RGPD4: variants seen among roughly 807,000 people sequenced by gnomAD.
RGPD4 encodes ranBP2-like and GRIP domain-containing protein 4.
A neutral mutation model predicts 141.1 loss-of-function variants in RGPD4; 84 were observed. The ratio of observed to expected loss-of-function variants is 0.60; its 90% CI spans 0.50 to 0.71. RGPD4 has a LOEUF of 0.71. Ranked by LOEUF, RGPD4 falls within the 30% of genes least tolerant of loss-of-function variation. The probability of loss-of-function intolerance (pLI) is 0.00; values close to 1 mark genes in which losing one functional copy is unlikely to be tolerated. For synonymous variants in RGPD4, 298 were observed against 566.8 expected, an observed-to-expected ratio of 0.53 and a Z score of 6.74; for missense variants, 918 against 1,622.4, an observed-to-expected ratio of 0.57 and a Z score of 7.46.
At chr2:107,883,605 G>A (rs533814089) in intron 22 of RGPD4, among the ~76,000 whole-genome samples, 6 of 133,442 alleles carry the variant, frequency 4.5e-5, no homozygotes, top group South Asian at 2.6e-4. Context: ...CCAGCCTGAC[G>A]GCAGAGCGAG....
chr2:107,826,975 G>T lies in RGPD4; in HGVS notation c.-39G>T. On this transcript the variant is annotated 5_prime_UTR_variant, in exon 1 of 23. Coordinates refer to ENST00000408999, the MANE Select transcript of RGPD4 (RefSeq NM_182588.3). ...ATTGGCGACTGCTGCGGGGCTGAGCGCTGGTTTCACGCGTCTCGGGAGCCA... is the reference window on the plus strand; with the variant it reads ...ATTGGCGACTGCTGCGGGGCTGAGCTCTGGTTTCACGCGTCTCGGGAGCCA... The T allele has an allele frequency of 1.3e-6, 2 of 1,580,866 alleles. No homozygotes were observed. The highest frequency in any genetic ancestry group is 4.6e-5 in the East Asian group (2 of 43,076).
In RGPD4 at chr2:107,838,703, A is replaced by G. The variant is rs76830839; in HGVS notation, c.253-109A>G. 4.2e-3 allele frequency: 2,367 copies of G among 569,578 alleles called. 834 individuals carry two copies. The African/African-American group carries it at 0.08, about 19-fold the overall frequency. The allele number at this position is 569,578 out of a possible 1,614,324, so 35.3% of individuals were successfully genotyped here. Reference sequence around the variant, plus strand: ...TTCTCTAGAAGTAGAATTTTTTAAGAGTTGGAGTGATAATTTTTAACCTTT... The same window carrying G: ...TTCTCTAGAAGTAGAATTTTTTAAGGGTTGGAGTGATAATTTTTAACCTTT... On this transcript the variant is annotated intron_variant, in intron 3 of 22. Coordinates refer to ENST00000408999, the MANE Select transcript of RGPD4 (RefSeq NM_182588.3).
intron 1 of RGPD4, among the ~76,000 whole-genome samples, chr2:107,831,677 A>G (rs1262678143): frequency 5.9e-5 from 7 of 118,526 alleles, no homozygotes; most frequent in South Asian, 2.9e-4. Context: ...CCGGGTTCAC[A>G]CCATTCTCCT....
In RGPD4 at chr2:107,872,713, T is replaced by C. The variant is rs900823542; in HGVS notation, c.4709T>C (p.Phe1570Ser). Residue 1570 changes from phenylalanine to serine, a missense_variant, in exon 20 of 23, where the codon TTT (phenylalanine) becomes TCT (serine). Phe to Ser is a radical substitution (Grantham distance 155). Transcript: ENST00000408999. ...AACAGTTCTGCCACTGGGTCTTTGT[T>C]TGGATTTAGTTTTAATGCATCTTTG... ...FGNSSATGSL[F>S]GFSFNASLKS... 6.2e-7 allele frequency: 1 copy of C among 1,611,534 alleles called. No homozygotes were observed. Among genetic ancestry groups the C allele is most frequent in the African/African-American group, 1.3e-5 (1 of 74,574 alleles).
At chr2:107,888,464 C>G (rs964006925) in intron 22 of RGPD4, among the ~76,000 whole-genome samples, 19 of 150,872 alleles carry the variant, frequency 1.3e-4, no homozygotes, top group African/African-American at 4.4e-4. Flanking sequence ...ATAACCAGTG[C>G]CAAGTTGTCC....
At chr2:107,890,684 T>C (rs1675633669) in intron 22 of RGPD4, 37 bp from the exon 23 acceptor site, 1 of 1,575,000 alleles carries the variant, frequency 6.3e-7, no homozygotes, top group Non-Finnish European at 8.6e-7. Context: ...ATTTTAATAC[T>C]CTCTTTTTTC....
rs1573521042 is a variant in RGPD4, at chr2:107,872,102, A to G, written c.4098A>G (p.Arg1366=). 1 of 1,611,622 alleles carries G rather than the reference A, an allele frequency of 6.2e-7. No homozygotes were observed. Residue 1366 remains arginine, a synonymous_variant, in exon 20 of 23, where the codon AGA becomes AGG. Transcript: ENST00000408999. ...TTAGTCACAGGGCAGAACTCTACAG[A>G]TATGATAAAGATGTTGGTCAATGGA... ...VVFSHRAELY[R]YDKDVGQWKE...
intron 20 of RGPD4, among the ~76,000 whole-genome samples, chr2:107,878,286 T>G (rs540380658): frequency 2.3e-4 from 35 of 151,704 alleles, no homozygotes; most frequent in African/African-American, 5.8e-4. Flanking sequence ...AAAAAAAATC[T>G]AATAGGCCCA....
intron 21 of RGPD4, among the ~76,000 whole-genome samples, chr2:107,881,933 G>C (rs1177411054): frequency 6.6e-6 from 1 of 151,784 alleles, no homozygotes; most frequent in Non-Finnish European, 1.5e-5. Flanking sequence ...TTAACTGCCT[G>C]GGACTTCAGG....
chr2:107,844,159 G>A (rs1259949491), intron 6 of RGPD4, among the ~76,000 whole-genome samples: 2 of 151,674 alleles, frequency 1.3e-5, no homozygotes, highest in East Asian at 3.9e-4. Flanking sequence ...AGAAAATACT[G>A]TTTTAGCTAA....
rs3053241 is a variant in RGPD4, at chr2:107,873,574, CAAAAAAAAAAAAA to C, written c.4924+660_4924+672del. ...GACTGAGTGACTGAGACTTTGTCTC[CAAAAAAAAAAAAA>C]AAAAAAAAAAAAATATGATATTGAG... On this transcript the variant is annotated intron_variant, in intron 20 of 22. Coordinates refer to ENST00000408999, the MANE Select transcript of RGPD4 (RefSeq NM_182588.3). Among the ~76,000 whole-genome samples the C allele has an allele frequency of 2.9e-3, 358 of 125,410 alleles. 5 individuals are homozygous for C. Among genetic ancestry groups the C allele is most frequent in the African/African-American group, 9.9e-3 (329 of 33,284 alleles). 82.3% of individuals were successfully genotyped at this position (125,410 alleles called of 152,430 possible).
intron 7 of RGPD4, among the ~76,000 whole-genome samples, chr2:107,853,306 T>C (rs1217373585): frequency 2.7e-5 from 2 of 73,390 alleles, no homozygotes; most frequent in African/African-American, 5.5e-5. Flanking sequence ...TACTTCCTTA[T>C]ATAGAATAAA....
rs1333385880 is a variant in RGPD4 at position 107,870,989 on chromosome 2, A to T, written c.2985A>T (p.Gly995=). The T allele has an allele frequency of 3.7e-6, 6 of 1,610,694 alleles. No individual in the cohort carries two copies. The Admixed American group carries it at 5.0e-5, about 13-fold the overall frequency. Residue 995 remains glycine, a synonymous_variant, in exon 20 of 23, where the codon GGA becomes GGT. Transcript: ENST00000408999. ...QFGKKDPNFK[G]FSGAGEKLFS... ...GCAAAAAAGACCCCAATTTCAAGGG[A>T]TTTTCAGGTGCTGGAGAAAAATTAT... is the stretch of plus-strand genomic sequence containing the variant.
chr2:107,849,392 A>T (rs1169918204), intron 7 of RGPD4, among the ~76,000 whole-genome samples: 1 of 123,054 alleles, frequency 8.1e-6, no homozygotes, highest in Non-Finnish European at 1.6e-5. Flanking sequence ...TTTGAGACGG[A>T]GTCTCGCTCT....
chr2:107,886,813 C>G, intron 22 of RGPD4, among the ~76,000 whole-genome samples: 1 of 152,122 alleles, frequency 6.6e-6, no homozygotes, highest in Non-Finnish European at 1.5e-5. Context: ...TTACCTCTCT[C>G]ATCTCCTTGG....
intron 11 of RGPD4, 23 bp from the exon 12 acceptor site, chr2:107,859,699 T>C: frequency 1.9e-6 from 3 of 1,611,424 alleles, no homozygotes; most frequent in Non-Finnish European, 2.5e-6. Context: ...AAAGCAATTT[T>C]AGTAAATTGA....
intron 9 of RGPD4, among the ~76,000 whole-genome samples, chr2:107,857,626 G>T (rs928699623): frequency 1.3e-5 from 2 of 151,636 alleles, no homozygotes; most frequent in African/African-American, 4.9e-5. Flanking sequence ...GTAGAGACAG[G>T]GTCTCCCTTT....
chr2:107,834,414 TTAAATTGCAAACAGTTCTGAA>T (rs1165231756), intron 1 of RGPD4, among the ~76,000 whole-genome samples: 1 of 151,638 alleles, frequency 6.6e-6, no homozygotes, highest in African/African-American at 2.4e-5. Context: ...TTCATGAGTT[TTAAATTGCAAACAGTTCTGAA>T]TAACATGATA....
At chr2:107,883,464 T>A (rs1675425648) in intron 22 of RGPD4, among the ~76,000 whole-genome samples, 2 of 151,108 alleles carry the variant, frequency 1.3e-5, no homozygotes, top group African/African-American at 4.9e-5. Flanking sequence ...ATCTCGTCTC[T>A]ACTAAAAATA....
Sources: gnomAD v4.1 joint callset for allele counts (sites outside exome capture counted in the v4.1 genomes callset) on GRCh38, gnomAD v4.1.1 for gene constraint, MANE v1.5 for transcripts, NCBI Gene and HGNC (gene_info 2026-07-23, HGNC 2026-07-21) for gene names.